C9orf72: variants seen among roughly 807,000 people sequenced by gnomAD.
The protein encoded by C9orf72 is C9orf72-SMCR8 complex subunit.
In C9orf72, 44 loss-of-function variants were observed where a neutral mutation model predicts 51.6. The ratio of observed to expected loss-of-function variants is 0.85; its 90% confidence interval spans 0.67 to 1.10. The LOEUF is 1.10. C9orf72 is among the 50% of genes least tolerant of loss of function. The pLI is 0.00. For synonymous variants in C9orf72, 213 were observed against 194.2 expected, an observed-to-expected ratio of 1.10 and a Z score of -0.81; for missense variants, 607 against 570.6, an observed-to-expected ratio of 1.06 and a Z score of -0.65.
chr9:27,555,215 C>G (rs1484646997), intron 8 of C9orf72, among the ~76,000 whole-genome samples: 1 of 151,890 alleles, frequency 6.6e-6, no homozygotes, highest in Non-Finnish European at 1.5e-5. Flanking sequence ...TCAGTTGGAC[C>G]AATTCATTTT....
In C9orf72 at chr9:27,565,595, G is replaced by A. The variant is rs977275879; in HGVS notation, c.445-5C>T. On this transcript the variant is annotated splice_region_variant and splice_polypyrimidine_tract_variant and intron_variant, in intron 2 of 10. Transcript: ENST00000380003. Reference sequence around the variant, plus strand: ...CTGGACATTTTCTTGTCTTTCCTGAGCAAGAGAAAATTTATTTAAAAAAAC... The same window carrying A: ...CTGGACATTTTCTTGTCTTTCCTGAACAAGAGAAAATTTATTTAAAAAAAC... 2 of 1,585,352 alleles carry A rather than the reference G, an allele frequency of 1.3e-6. No homozygotes were observed. Among genetic ancestry groups the A allele is most frequent in the Non-Finnish European group, 1.7e-6 (2 of 1,159,982 alleles).
At chr9:27,570,709 T>C (rs1452152217) in intron 1 of C9orf72, among the ~76,000 whole-genome samples, 1 of 151,672 alleles carries the variant, frequency 6.6e-6, no homozygotes, top group Non-Finnish European at 1.5e-5. Flanking sequence ...CTACTAAAAA[T>C]ACAAAAAATT....
At chr9:27,569,458 TTC>T (rs1164718070) in intron 1 of C9orf72, among the ~76,000 whole-genome samples, 1 of 152,218 alleles carries the variant, frequency 6.6e-6, no homozygotes, top group Non-Finnish European at 1.5e-5. Flanking sequence ...ACTGTACCTT[TTC>T]TCTGTTTGCA....
chr9:27,550,161 A>ATC (rs1820877027), intron 9 of C9orf72, among the ~76,000 whole-genome samples: 6 of 150,556 alleles, frequency 4.0e-5, no homozygotes, highest in Admixed American at 2.0e-4. Context: ...TGCTGGTAAT[A>ATC]TGTATATATG....
Position 27,567,112 on chromosome 9 carries a change from A to T in C9orf72, c.9T>A (p.Thr3=). The T allele has an allele frequency of 6.2e-7, 1 of 1,612,768 alleles. No individual in the cohort carries two copies. The highest frequency in any genetic ancestry group is 8.5e-7 in the Non-Finnish European group (1 of 1,179,150). MS[T]LCPPPSPAVA... is the part of the protein sequence containing the mutation. ...CAGCTGGAGATGGCGGTGGGCAAAGAGTCGACATCACTGCATTCCAACTGT... is the reference window on the plus strand; with the variant it reads ...CAGCTGGAGATGGCGGTGGGCAAAGTGTCGACATCACTGCATTCCAACTGT... Residue 3 remains threonine, a synonymous_variant, in exon 2 of 11, where the codon ACT becomes ACA. Transcript: ENST00000380003.
chr9:27,549,985 T>C (rs183068099), intron 9 of C9orf72, among the ~76,000 whole-genome samples: 1 of 151,416 alleles, frequency 6.6e-6, no homozygotes, highest in East Asian at 1.9e-4. Context: ...TTCTTAATTC[T>C]ATCATTTTAT....
rs1479958939 is a variant in C9orf72 at position 27,546,848 on chromosome 9, A to G, written c.*1388T>C. 1 of 152,184 alleles carries G rather than the reference A, an allele frequency of 6.6e-6. No individual in the cohort carries two copies. The highest frequency in any genetic ancestry group is 2.4e-5 in the African/African-American group (1 of 41,440). 9.4% of individuals were successfully genotyped at this position (152,184 alleles called of 1,614,324 possible). ...GCTGTCCACATCTTTCTGATTCATG[A>G]TGGGAAAGCTATTATGACCTTTCAC... On this transcript the variant is annotated 3_prime_UTR_variant, in exon 11 of 11. Coordinates refer to ENST00000380003, the MANE Select transcript of C9orf72 (RefSeq NM_018325.5).
chr9:27,550,601 G>T, intron 9 of C9orf72, 49 bp downstream of exon 9: 1 of 1,189,730 alleles, frequency 8.4e-7, no homozygotes, highest in South Asian at 1.3e-5. Flanking sequence ...TATTAAAAAA[G>T]AAAACATGTC....
At chr9:27,551,190 C>T (rs1820899448) in intron 8 of C9orf72, among the ~76,000 whole-genome samples, 1 of 152,192 alleles carries the variant, frequency 6.6e-6, no homozygotes, top group Non-Finnish European at 1.5e-5. Flanking sequence ...AGAGAACACA[C>T]TCCGATGATT....
At chr9:27,552,772 T>C (rs1229216368) in intron 8 of C9orf72, among the ~76,000 whole-genome samples, 3 of 152,200 alleles carry the variant, frequency 2.0e-5, no homozygotes, top group Non-Finnish European at 2.9e-5. Flanking sequence ...ATCACACTTA[T>C]TGATTTGTGT....
Position 27,567,115 on chromosome 9 carries a change from C to T in C9orf72, c.6G>A (p.Ser2=), listed in dbSNP as rs138028443. ...CTGGAGATGGCGGTGGGCAAAGAGT[C>T]GACATCACTGCATTCCAACTGTCAC... M[S]TLCPPPSPAV... The change falls in exon 2 of 11, where the codon TCG becomes TCA. Residue 2 remains serine, a synonymous_variant. Transcript: ENST00000380003. 32 of 1,612,300 alleles carry T rather than the reference C, an allele frequency of 2.0e-5. No homozygotes were observed. The highest frequency in any genetic ancestry group is 2.6e-5 in the Non-Finnish European group (31 of 1,178,924).
chr9:27,566,549 T>C, intron 2 of C9orf72, 128 bp downstream of exon 2: 1 of 668,214 alleles, frequency 1.5e-6, no homozygotes, highest in Non-Finnish European at 2.5e-6. Flanking sequence ...ATAGGGTAAA[T>C]GCAAAATAAA....
chr9:27,549,146 T>G (rs1223111120), intron 9 of C9orf72, among the ~76,000 whole-genome samples: 2 of 152,234 alleles, frequency 1.3e-5, no homozygotes, highest in Admixed American at 6.5e-5. Flanking sequence ...CCAGACAATC[T>G]GACAGTTTTT....
rs767272170 is a variant in C9orf72, at chr9:27,548,256, C to G, written c.1426G>C (p.Asp476His). The G allele has an allele frequency of 8.1e-6, 13 of 1,607,774 alleles. No homozygotes were observed. The South Asian group carries it at 1.4e-4, about 18-fold the overall frequency. The change falls in exon 11 of 11, where the codon GAT becomes CAT. Residue 476 changes from aspartate to histidine, a missense_variant. By Grantham distance (81) the Asp-to-His change is moderately conservative. Transcript: ENST00000380003. ...CACATTTAAAAAGTCATTAGAACAT[C>G]TCGTTCTTGCACACTAGTGTAGAAA... ...RPFYTSVQER[D>H]VLMTF
Position 27,566,919 on chromosome 9 carries a change from T to TTA in C9orf72, c.200_201dup (p.Asn68Ter). 1 of 1,614,044 alleles carries TTA rather than the reference T, an allele frequency of 6.2e-7. No homozygotes were observed. The highest frequency in any genetic ancestry group is 8.5e-7 in the Non-Finnish European group (1 of 1,179,934). On this transcript the variant is annotated frameshift_variant, in exon 2 of 11. Transcript: ENST00000380003. LOFTEE classifies it high-confidence loss of function. ...TCTGCATTTCGAAGGATTTCTCCAT[T>TTA]TAGAGTGTGGTTGGCAAGAAAAGTT...
chr9:27,563,463 CTA>C (rs1363496592), intron 3 of C9orf72, among the ~76,000 whole-genome samples: 1 of 152,078 alleles, frequency 6.6e-6, no homozygotes, highest in Non-Finnish European at 1.5e-5. Flanking sequence ...TGTCAAATGA[CTA>C]TGCATTTTTA....
chr9:27,573,507 G>GGCCCC (rs1563908958), upstream of C9orf72: 25 of 77,014 alleles, frequency 3.2e-4, no homozygotes, highest in Admixed American at 1.0e-3. Flanking sequence ...GCCCGCCCCC[G>GGCCCC]GGCCCGCCCC....
Position 27,565,570 on chromosome 9 carries a change from C to G in C9orf72, c.465G>C (p.Gln155His). The change falls in exon 3 of 11, where the codon CAG (glutamine) becomes CAC (histidine). Residue 155 changes from glutamine to histidine, a missense_variant. Coordinates refer to ENST00000380003, the MANE Select transcript of C9orf72 (RefSeq NM_018325.5). ...WMHKERQENV[Q>H]KIILEGTERM... ...TCTCTGTGCCTTCTAAGATAATCTT[C>G]TGGACATTTTCTTGTCTTTCCTGAG... The G allele has an allele frequency of 6.2e-7, 1 of 1,605,830 alleles. No homozygotes were observed.
At chr9:27,572,884 T>C (rs987874514) in intron 1 of C9orf72, among the ~76,000 whole-genome samples, 2 of 152,356 alleles carry the variant, frequency 1.3e-5, no homozygotes, top group Non-Finnish European at 2.9e-5. Flanking sequence ...CCGACTTGCA[T>C]TGCTGCCCTC....
Sources: gnomAD v4.1 joint callset for allele counts (sites outside exome capture counted in the v4.1 genomes callset) on GRCh38, gnomAD v4.1.1 for gene constraint, MANE v1.5 for transcripts, NCBI Gene and HGNC (gene_info 2026-07-23, HGNC 2026-07-21) for gene names.